Variants in DYNC2I1 observed in about 807,000 individuals in gnomAD.
DYNC2I1 encodes the protein dynein 2 intermediate chain 1.
Under a neutral mutation model 133.4 loss-of-function variants are expected in DYNC2I1, and 89 were observed. The observed-to-expected ratio is 0.67, with a 90% CI of 0.56 to 0.80. DYNC2I1 has a LOEUF of 0.80. Ranked by LOEUF, DYNC2I1 falls within the 30% of genes least tolerant of loss-of-function variation. DYNC2I1 has a pLI of 0.00. For missense variants in DYNC2I1, 1,291 were observed against 1,314.5 expected (o/e 0.98, Z 0.28); for synonymous variants, 504 against 484.3 (o/e 1.04, Z -0.54).
At chr7:158,919,937 G>C (rs1032415249) in intron 15 of DYNC2I1, among the ~76,000 whole-genome samples, 1 of 152,276 alleles carries the variant, frequency 6.6e-6, no homozygotes, top group Non-Finnish European at 1.5e-5. Flanking sequence ...CGGCAGTGGT[G>C]CCATGGCCTC....
At chr7:158,938,824 G>A (rs1401937412) in intron 23 of DYNC2I1, among the ~76,000 whole-genome samples, 5 of 151,800 alleles carry the variant, frequency 3.3e-5, no homozygotes, top group Admixed American at 1.3e-4. Context: ...AAAAATACAC[G>A]CAAAAACAAA....
intron 3 of DYNC2I1, among the ~76,000 whole-genome samples, chr7:158,872,689 A>G (rs1842990731): frequency 1.3e-5 from 2 of 151,548 alleles, no homozygotes; most frequent in African/African-American, 4.9e-5. Context: ...TATTAGCTAG[A>G]GTTTTACTAT....
chr7:158,934,708 G>A (rs567685858), intron 23 of DYNC2I1, among the ~76,000 whole-genome samples, 159 bp downstream of exon 23: 1 of 152,258 alleles, frequency 6.6e-6, no homozygotes, highest in Non-Finnish European at 1.5e-5. Context: ...AGCCTCCCGA[G>A]TAGCTGGGAC....
At chr7:158,888,410 G>A (rs545551716) in intron 7 of DYNC2I1, among the ~76,000 whole-genome samples, 4 of 151,834 alleles carry the variant, frequency 2.6e-5, no homozygotes, top group Admixed American at 1.3e-4. Context: ...TTCTTTGATC[G>A]TTATCTGAAA....
At chr7:158,882,568 G>A (rs1217698061) in intron 5 of DYNC2I1, among the ~76,000 whole-genome samples, 2 of 152,052 alleles carry the variant, frequency 1.3e-5, no homozygotes, top group East Asian at 3.9e-4. Flanking sequence ...GCGTGGTACA[G>A]TAAGACCTTG....
chr7:158,934,079 T>C (rs756410258), intron 21 of DYNC2I1, 50 bp from the exon 22 acceptor site: 1 of 1,290,984 alleles, frequency 7.7e-7, no homozygotes, highest in South Asian at 1.2e-5. Flanking sequence ...ATCATTATTC[T>C]TAAGGTTGGA....
chr7:158,958,479 T>C (rs978032290), downstream of DYNC2I1, among the ~76,000 whole-genome samples: 1 of 152,240 alleles, frequency 6.6e-6, no homozygotes, highest in Admixed American at 6.5e-5. Context: ...CGGATGCTCG[T>C]CCTGGCATCT....
chr7:158,869,561 T>G, intron 1 of DYNC2I1: 1 of 517,756 alleles, frequency 1.9e-6, no homozygotes, highest in Non-Finnish European at 3.9e-6. Context: ...AGAATATTTG[T>G]CCTTCCTCTG....
At chr7:158,915,885 G>T (rs1848167463) in intron 14 of DYNC2I1, among the ~76,000 whole-genome samples, 1 of 150,106 alleles carries the variant, frequency 6.7e-6, no homozygotes, top group Admixed American at 6.6e-5. Flanking sequence ...CGACACGCTG[G>T]TTGAGATTAA....
At chr7:158,855,429 C>T (rs556139311), upstream of DYNC2I1, among the ~76,000 whole-genome samples, 1 of 152,108 alleles carries the variant, frequency 6.6e-6, no homozygotes, top group Non-Finnish European at 1.5e-5. Flanking sequence ...ATCTTAGGAG[C>T]AGTTTAGGGA....
rs1030573573 is a variant in DYNC2I1, at chr7:158,909,042, A to G, written c.1461-2508A>G. 1.2e-4 allele frequency among the ~76,000 whole-genome samples: 18 copies of G among 152,106 alleles called. 1 individual carries two copies. The highest frequency in any genetic ancestry group is 8.8e-5 in the Non-Finnish European group (6 of 68,022). Reference sequence around the variant, plus strand: ...ATAGGCAAGGTATTAAAAAATGATAATACTTAGGCCAGGCATAGTGGCTCA... The same window carrying G: ...ATAGGCAAGGTATTAAAAAATGATAGTACTTAGGCCAGGCATAGTGGCTCA... On this transcript the variant is annotated intron_variant, in intron 11 of 24. Transcript: ENST00000407559.
Position 158,942,110 on chromosome 7 carries a change from T to C in DYNC2I1, c.2964T>C (p.Asp988=). The part of the protein sequence containing the change: ...NIYIWDLLQS[D]LGPVAKQQVS... ...ACATCTGGGACCTCCTCCAGAGCGA[T>C]CTGGGTCCTGTCGCCAAACAGCAGG... The change falls in exon 24 of 25, where the codon GAT becomes GAC. Residue 988 remains aspartate, a synonymous_variant. Transcript: ENST00000407559. 1 of 1,584,118 alleles carries C rather than the reference T, an allele frequency of 6.3e-7. No individual in the cohort carries two copies. Among genetic ancestry groups the C allele is most frequent in the South Asian group, 1.2e-5 (1 of 86,850 alleles).
At position 158,911,292 on chromosome 7, in the gene DYNC2I1, C is replaced by T. The variant is rs1168585436; in HGVS notation, c.1461-258C>T. Reference sequence around the variant, plus strand: ...TCAGGCATACGCATTAGAACGGTCACACATGAGGTTCGTGACACACACACG... The same window carrying T: ...TCAGGCATACGCATTAGAACGGTCATACATGAGGTTCGTGACACACACACG... On this transcript the variant is annotated intron_variant, in intron 11 of 24. Transcript: ENST00000407559. Among the ~76,000 whole-genome samples the T allele has an allele frequency of 2.6e-5, 4 of 152,148 alleles. No individual in the cohort carries two copies. The South Asian group carries it at 6.2e-4, about 24-fold the overall frequency.
chr7:158,910,770 A>G (rs1177002607), intron 11 of DYNC2I1, among the ~76,000 whole-genome samples: 1 of 148,260 alleles, frequency 6.7e-6, no homozygotes, highest in Non-Finnish European at 1.5e-5. Context: ...GTGGAGGGCC[A>G]TTGGCTGTGT....
chr7:158,951,057 C>T (rs563010722), downstream of DYNC2I1, among the ~76,000 whole-genome samples: 14 of 152,370 alleles, frequency 9.2e-5, no homozygotes, highest in African/African-American at 3.4e-4. Context: ...CGTTTTCCAT[C>T]ACAGCCTTTA....
intron 8 of DYNC2I1, among the ~76,000 whole-genome samples, chr7:158,895,659 C>T (rs948770878): frequency 5.3e-5 from 8 of 152,168 alleles, no homozygotes; most frequent in African/African-American, 1.2e-4. Flanking sequence ...GTCGGTTTGC[C>T]AATATTCATA....
At chr7:158,887,902 A>G (rs1159829482) in intron 7 of DYNC2I1, among the ~76,000 whole-genome samples, 1 of 151,926 alleles carries the variant, frequency 6.6e-6, no homozygotes, top group Non-Finnish European at 1.5e-5. Context: ...GCGTTTCTCC[A>G]CAGTCTTCAT....
intron 24 of DYNC2I1, among the ~76,000 whole-genome samples, chr7:158,944,868 G>C (rs1326596306): frequency 6.6e-6 from 1 of 152,182 alleles, no homozygotes. Flanking sequence ...CAGGTGCCAG[G>C]AGTGTGAGCC....
chr7:158,948,405 C>T (rs1370164493), downstream of DYNC2I1, among the ~76,000 whole-genome samples: 1 of 152,218 alleles, frequency 6.6e-6, no homozygotes, highest in Non-Finnish European at 1.5e-5. Flanking sequence ...AAACACTTTT[C>T]TTTCAACATT....
Sources: allele counts gnomAD v4.1 joint callset (sites outside exome capture counted in the v4.1 genomes callset), GRCh38; gene constraint gnomAD v4.1.1; transcripts MANE v1.5; gene names NCBI Gene and HGNC (gene_info 2026-07-23, HGNC 2026-07-21).